Variants in MCPH1 observed in about 807,000 individuals in gnomAD.
MCPH1 encodes microcephalin 1, also known as microcephalin.
In MCPH1, 104 loss-of-function variants were observed where a neutral mutation model predicts 84.5. The observed-to-expected ratio is 1.23, with a 90% confidence interval of 1.05 to 1.45. The LOEUF (loss-of-function observed/expected upper bound fraction) is 1.45. Ranked by LOEUF, MCPH1 falls within the 40% of genes most tolerant of loss-of-function variation. The pLI is 0.00. For missense variants in MCPH1, 1,498 were observed against 1,005.7 expected, an observed-to-expected ratio of 1.49 and a Z score of -6.62; for synonymous variants, 514 against 366.8, an observed-to-expected ratio of 1.40 and a Z score of -4.58.
intron 12 of MCPH1, among the ~76,000 whole-genome samples, chr8:6,601,487 G>A (rs917463090): frequency 5.3e-5 from 8 of 150,386 alleles, no homozygotes; most frequent in African/African-American, 1.2e-4. Flanking sequence ...TCTCCCTCCC[G>A]CCATGACACC....
chr8:6,482,669 G>T (rs899375913), intron 11 of MCPH1, among the ~76,000 whole-genome samples: 5 of 152,184 alleles, frequency 3.3e-5, no homozygotes, highest in Non-Finnish European at 5.9e-5. Flanking sequence ...CTGTCGACAT[G>T]GATAGAGACC....
intron 12 of MCPH1, 48 bp downstream of exon 12, chr8:6,499,977 A>T: frequency 6.6e-7 from 1 of 1,507,140 alleles, no homozygotes; most frequent in Non-Finnish European, 9.2e-7. Flanking sequence ...TGCTGTTCTC[A>T]AGAAATTATT....
intron 12 of MCPH1, among the ~76,000 whole-genome samples, chr8:6,586,096 G>T (rs959624985): frequency 1.3e-5 from 2 of 152,142 alleles, no homozygotes; most frequent in East Asian, 1.9e-4. Flanking sequence ...GAGTAGCTAG[G>T]ACTGCAAGCA....
intron 4 of MCPH1, among the ~76,000 whole-genome samples, chr8:6,433,831 A>C (rs1802226285): frequency 1.3e-5 from 2 of 151,730 alleles, no homozygotes; most frequent in African/African-American, 4.8e-5. Context: ...TCAAGGCCTT[A>C]TTCTTTTGGG....
chr8:6,442,962 C>A (rs1424275670), intron 7 of MCPH1, among the ~76,000 whole-genome samples: 2 of 152,254 alleles, frequency 1.3e-5, no homozygotes. Context: ...TTCTCTTAAA[C>A]AGTCTCCATC....
At chr8:6,494,719 T>C (rs145536003) in intron 11 of MCPH1, among the ~76,000 whole-genome samples, 186 of 152,140 alleles carry the variant, frequency 1.2e-3, no homozygotes, top group African/African-American at 4.4e-3. Context: ...AGAAAACTAA[T>C]TAGAAGTTAC....
At chr8:6,582,584 G>GATAA (rs1370144452) in intron 12 of MCPH1, among the ~76,000 whole-genome samples, 2 of 152,072 alleles carry the variant, frequency 1.3e-5, no homozygotes, top group African/African-American at 4.8e-5. Flanking sequence ...TTAATAGTAA[G>GATAA]ATAAACACTG....
chr8:6,462,308 C>A (rs1210257406), intron 9 of MCPH1, among the ~76,000 whole-genome samples: 9 of 152,226 alleles, frequency 5.9e-5, no homozygotes, highest in Non-Finnish European at 1.3e-4. Context: ...CCCATAAGGA[C>A]ATAGTCTATA....
intron 13 of MCPH1, among the ~76,000 whole-genome samples, chr8:6,629,455 C>G (rs1294822841): frequency 1.3e-5 from 2 of 152,104 alleles, no homozygotes; most frequent in Admixed American, 1.3e-4. Flanking sequence ...GAGCAAAACC[C>G]CATCTCAAAA....
At chr8:6,467,229 G>C (rs1188595117) in intron 9 of MCPH1, among the ~76,000 whole-genome samples, 2 of 152,178 alleles carry the variant, frequency 1.3e-5, no homozygotes, top group Non-Finnish European at 2.9e-5. Flanking sequence ...ATAATATTCA[G>C]TGACTGTCAA....
At chr8:6,540,755 A>C (rs1586495615) in intron 12 of MCPH1, among the ~76,000 whole-genome samples, 1 of 152,286 alleles carries the variant, frequency 6.6e-6, no homozygotes, top group East Asian at 1.9e-4. Context: ...AGACAAAGGC[A>C]GGCATGCAGG....
In MCPH1 at chr8:6,447,559, G is replaced by GT. The variant is rs559569191; in HGVS notation, c.1825+2020dup. Reference sequence around the variant, plus strand: ...TGGTTTTGTTTTGTTTTGTTTTTTAGTTTTTTTTGAGACATAGTCTCGCAC... The same window carrying GT: ...TGGTTTTGTTTTGTTTTGTTTTTTAGTTTTTTTTTGAGACATAGTCTCGCAC... On this transcript the variant is annotated intron_variant, in intron 8 of 13. Transcript: ENST00000344683. The GT allele has an allele frequency of 1.8e-3, 826 of 464,020 alleles. 7 individuals carry two copies. The highest frequency in any genetic ancestry group is 0.015 in the African/African-American group (726 of 47,390). The allele number at this position is 464,020 out of a possible 1,614,324, so 28.7% of individuals were successfully genotyped here. A position where few individuals can be genotyped will look rare whatever the true frequency, so the allele number is the denominator to read the frequency against.
intron 12 of MCPH1, among the ~76,000 whole-genome samples, chr8:6,559,230 AACACACACAC>A (rs59299448): frequency 5.5e-5 from 8 of 146,722 alleles, no homozygotes; most frequent in Non-Finnish European, 6.0e-5. Context: ...CACACACGAC[AACACACACAC>A]ACACACACAC....
At chr8:6,622,865 G>A (rs1831609418) in intron 13 of MCPH1, among the ~76,000 whole-genome samples, 1 of 152,104 alleles carries the variant, frequency 6.6e-6, no homozygotes. Flanking sequence ...TTTTGAAACA[G>A]TGTCTCGCTC....
chr8:6,537,823 C>T (rs1318862860), intron 12 of MCPH1, among the ~76,000 whole-genome samples: 1 of 152,054 alleles, frequency 6.6e-6, no homozygotes, highest in Admixed American at 6.6e-5. Context: ...TGAAAACTAT[C>T]CCCAACTTGG....
intron 12 of MCPH1, among the ~76,000 whole-genome samples, chr8:6,565,064 C>T (rs1057457439): frequency 2.0e-5 from 3 of 152,174 alleles, no homozygotes; most frequent in African/African-American, 7.2e-5. Context: ...GGACAGTGCA[C>T]CGTCGAAGAA....
intron 12 of MCPH1, among the ~76,000 whole-genome samples, chr8:6,528,552 C>T (rs533921135): frequency 3.3e-5 from 5 of 152,320 alleles, no homozygotes; most frequent in East Asian, 1.9e-4. Context: ...CAATCGAAGC[C>T]GTATAGCGTG....
intron 12 of MCPH1, among the ~76,000 whole-genome samples, chr8:6,505,422 TAAAG>T (rs1813318602): frequency 3.6e-5 from 3 of 83,624 alleles, no homozygotes; most frequent in African/African-American, 1.4e-4. Context: ...TTTATATACA[TAAAG>T]AATATATATA....
intron 3 of MCPH1, among the ~76,000 whole-genome samples, chr8:6,429,236 A>G (rs186576271): frequency 6.6e-6 from 1 of 152,290 alleles, no homozygotes; most frequent in Admixed American, 6.5e-5. Context: ...GTTTTCCCTG[A>G]GCTTGGCCTG....
Sources: gnomAD v4.1 joint callset for allele counts (sites outside exome capture counted in the v4.1 genomes callset) on GRCh38, gnomAD v4.1.1 for gene constraint, MANE v1.5 for transcripts, NCBI Gene and HGNC (gene_info 2026-07-23, HGNC 2026-07-21) for gene names.